Variants in ZBTB7C observed in about 807,000 individuals in gnomAD.
ZBTB7C encodes zinc finger and BTB domain-containing protein 7C.
A neutral mutation model predicts 25.7 loss-of-function variants in ZBTB7C; 8 were observed. The ratio of observed to expected loss-of-function variants is 0.31; its 90% CI spans 0.18 to 0.56. The LOEUF (loss-of-function observed/expected upper bound fraction) is 0.56. Ranked by LOEUF, ZBTB7C falls within the 20% of genes least tolerant of loss-of-function variation. ZBTB7C has a pLI of 0.91. For missense variants in ZBTB7C, 824 were observed against 855.2 expected (o/e 0.96, Z 0.46); for synonymous variants, 394 against 369.0 (o/e 1.07, Z -0.78).
intron 3 of ZBTB7C, among the ~76,000 whole-genome samples, chr18:48,157,628 G>A (rs192944787): frequency 8.5e-5 from 13 of 152,288 alleles, no homozygotes; most frequent in Admixed American, 2.0e-4. Flanking sequence ...GCAGGGACTC[G>A]AAGGCAGACT....
intron 2 of ZBTB7C, among the ~76,000 whole-genome samples, chr18:48,241,131 C>CTATT (rs1201024497): frequency 6.6e-6 from 1 of 151,956 alleles, no homozygotes; most frequent in Non-Finnish European, 1.5e-5. Flanking sequence ...GATAAAAGGA[C>CTATT]TATTTAAACA....
At chr18:48,255,759 C>T (rs2044003737) in intron 2 of ZBTB7C, among the ~76,000 whole-genome samples, 1 of 152,114 alleles carries the variant, frequency 6.6e-6, no homozygotes, top group African/African-American at 2.4e-5. Context: ...TGAAGTGTTG[C>T]CCAATTCTAG....
intron 2 of ZBTB7C, among the ~76,000 whole-genome samples, chr18:48,329,800 T>C (rs1367353580): frequency 6.6e-6 from 1 of 152,186 alleles, no homozygotes; most frequent in African/African-American, 2.4e-5. Context: ...TCTCGCCCCA[T>C]GTCTTATTAT....
intron 3 of ZBTB7C, among the ~76,000 whole-genome samples, chr18:48,138,831 G>A (rs1011140011): frequency 6.6e-6 from 1 of 152,174 alleles, no homozygotes; most frequent in Non-Finnish European, 1.5e-5. Flanking sequence ...GACCCCAGGA[G>A]GTAAAGGTGC....
intron 1 of ZBTB7C, among the ~76,000 whole-genome samples, chr18:48,339,627 A>G (rs11663923): frequency 0.15 from 22,223 of 151,878 alleles, 2,040 homozygotes; most frequent in Middle Eastern, 0.27. Flanking sequence ...GGTTAATTTC[A>G]TCTTCCTTCC....
chr18:48,114,452 T>G (rs1016908931), intron 3 of ZBTB7C, among the ~76,000 whole-genome samples: 1 of 151,916 alleles, frequency 6.6e-6, no homozygotes, highest in Non-Finnish European at 1.5e-5. Context: ...AATACAAAAA[T>G]TAGCTGGACA....
rs2042871674 is a variant in ZBTB7C at position 48,218,248 on chromosome 18, A to G, written c.-78-32253T>C. ...GTCAGGGTGACAGCCCATTCCCCAT[A>G]GTACCAGTGCTCTGCAGACAATGGT... is the stretch of plus-strand genomic sequence containing the variant. On this transcript the variant is annotated intron_variant, in intron 2 of 4. Coordinates refer to ENST00000590800, the MANE Select transcript of ZBTB7C (RefSeq NM_001318841.2). 2.6e-5 allele frequency among the ~76,000 whole-genome samples: 4 copies of G among 152,292 alleles called. No individual in the cohort carries two copies. In the South Asian group the frequency reaches 8.3e-4, roughly 32 times the overall value.
chr18:48,250,150 G>A (rs1308522611), intron 2 of ZBTB7C, among the ~76,000 whole-genome samples: 1 of 152,184 alleles, frequency 6.6e-6, no homozygotes, highest in Non-Finnish European at 1.5e-5. Flanking sequence ...CAGGGGTCAA[G>A]TGGTTCCACT....
chr18:48,333,061 G>T (rs1423092787), intron 2 of ZBTB7C, among the ~76,000 whole-genome samples: 1 of 152,000 alleles, frequency 6.6e-6, no homozygotes, highest in Non-Finnish European at 1.5e-5. Context: ...TCAGCAAGAT[G>T]ATTTTAAGCT....
At chr18:48,351,349 A>G (rs2046858392) in intron 1 of ZBTB7C, among the ~76,000 whole-genome samples, 1 of 152,072 alleles carries the variant, frequency 6.6e-6, no homozygotes, top group Non-Finnish European at 1.5e-5. Flanking sequence ...AGGAGGACAA[A>G]GCCGGCAGCC....
intron 3 of ZBTB7C, among the ~76,000 whole-genome samples, chr18:48,105,623 G>C (rs566350887): frequency 6.6e-6 from 1 of 152,226 alleles, no homozygotes; most frequent in East Asian, 1.9e-4. Flanking sequence ...GATCTCAGAG[G>C]TTTCTTCTAG....
At chr18:48,289,844 A>G (rs2045169313) in intron 2 of ZBTB7C, among the ~76,000 whole-genome samples, 1 of 152,144 alleles carries the variant, frequency 6.6e-6, no homozygotes, top group Admixed American at 6.5e-5. Flanking sequence ...CACTCTGAAA[A>G]GTCCTAGAAG....
chr18:48,355,340 A>C (rs2046954016), intron 1 of ZBTB7C, among the ~76,000 whole-genome samples: 1 of 152,190 alleles, frequency 6.6e-6, no homozygotes, highest in Non-Finnish European at 1.5e-5. Context: ...TACTACTGGA[A>C]ATCTGTTTTT....
At chr18:48,221,315 ACTGTCCTAGTCTCCTCTATG>A (rs1568311665) in intron 2 of ZBTB7C, among the ~76,000 whole-genome samples, 1 of 138,452 alleles carries the variant, frequency 7.2e-6, no homozygotes. Context: ...CTCCCTCTAT[ACTGTCCTAGTCTCCTCTATG>A]CTGTCCTAGT....
In ZBTB7C at chr18:48,040,456, G is replaced by T; in HGVS notation, c.652C>A (p.His218Asn). ...GAGAAGTCCCGGATCACCCCCAGAT[G>T]GCCAGGACTGCCAGCCTGGAAGGAG... is the stretch of plus-strand genomic sequence containing the variant. ...PDSFQAGSPG[H>N]LGVIRDFSIE... The change falls in exon 4 of 5, where the codon CAT becomes AAT. Residue 218 changes from histidine to asparagine, a missense_variant. By Grantham distance (68) the His-to-Asn change is moderately conservative. Around this residue, in one of 4 missense-constraint regions of ZBTB7C, gnomAD observed 316 missense variants for 299.2 expected, o/e 1.06. Coordinates refer to ENST00000590800, the MANE Select transcript of ZBTB7C (RefSeq NM_001318841.2). The T allele has an allele frequency of 6.2e-7, 1 of 1,607,622 alleles. No individual in the cohort carries two copies.
intron 2 of ZBTB7C, among the ~76,000 whole-genome samples, chr18:48,308,163 CCA>C (rs2045722096): frequency 6.6e-6 from 1 of 152,054 alleles, no homozygotes; most frequent in Admixed American, 6.5e-5. Context: ...CACCACACAC[CCA>C]CACACACACA....
At chr18:48,241,288 G>T (rs2043515801) in intron 2 of ZBTB7C, among the ~76,000 whole-genome samples, 2 of 152,158 alleles carry the variant, frequency 1.3e-5, no homozygotes, top group South Asian at 2.1e-4. Context: ...GCATTAGACA[G>T]GTCTTCAAGA....
At position 48,257,201 on chromosome 18, in the gene ZBTB7C, G is replaced by A. The variant is rs528621492; in HGVS notation, c.-78-71206C>T. Among the ~76,000 whole-genome samples, 3 of 152,154 alleles carry A rather than the reference G, an allele frequency of 2.0e-5. No homozygotes were observed. In the East Asian group the frequency reaches 5.8e-4, roughly 29 times the overall value. On this transcript the variant is annotated intron_variant, in intron 2 of 4. Coordinates refer to ENST00000590800, the MANE Select transcript of ZBTB7C (RefSeq NM_001318841.2). ...AAAGAAAGCTAGACTAGTTATATTAGTGTCAGACAAAGTAGATTTCAGAGC... is the reference window on the plus strand; with the variant it reads ...AAAGAAAGCTAGACTAGTTATATTAATGTCAGACAAAGTAGATTTCAGAGC...
At chr18:48,143,801 C>T (rs1385361967) in intron 3 of ZBTB7C, among the ~76,000 whole-genome samples, 13 of 152,192 alleles carry the variant, frequency 8.5e-5, no homozygotes. Context: ...AGCGAGGATC[C>T]CCCTACCTTT....
Sources: gnomAD v4.1 joint callset for allele counts (sites outside exome capture counted in the v4.1 genomes callset) on GRCh38, gnomAD v4.1.1 for gene constraint, gnomAD v4.1.1 regional missense constraint, MANE v1.5 for transcripts, NCBI Gene and HGNC (gene_info 2026-07-23, HGNC 2026-07-21) for gene names.